NXPE3: variants seen among roughly 807,000 people sequenced by gnomAD.
The protein encoded by NXPE3 is NXPE family member 3.
NXPE3 carries 26 observed loss-of-function variants against 46.1 expected under a neutral mutation model. That is an observed-to-expected ratio of 0.56 (90% CI 0.41 to 0.78). The LOEUF (loss-of-function observed/expected upper bound fraction) is 0.78, where lower values mean the gene tolerates loss of function less well. Among genes scored for constraint, NXPE3 ranks in the 30% least tolerant of loss-of-function variants. The pLI is 0.00. For synonymous variants in NXPE3, 272 were observed against 257.9 expected, an observed-to-expected ratio of 1.05 and a Z score of -0.52; for missense variants, 620 against 686.0, an observed-to-expected ratio of 0.90 and a Z score of 1.07.
intron 4 of NXPE3, among the ~76,000 whole-genome samples, chr3:101,799,993 A>G (rs1027602669): frequency 1.3e-5 from 2 of 151,980 alleles, no homozygotes; most frequent in Non-Finnish European, 2.9e-5. Flanking sequence ...AATTTTATCA[A>G]TCTTTTAAAA....
intron 3 of NXPE3, among the ~76,000 whole-genome samples, chr3:101,785,128 G>A (rs1213486592): frequency 6.6e-6 from 1 of 152,204 alleles, no homozygotes; most frequent in East Asian, 1.9e-4. Flanking sequence ...CAATTTCTGA[G>A]TTTGAAGACA....
rs775137955 is a variant in NXPE3 at position 101,821,545 on chromosome 3, A to G, written c.1271A>G (p.Tyr424Cys). 1.2e-6 allele frequency: 2 copies of G among 1,614,158 alleles called. No homozygotes were observed. Among genetic ancestry groups the G allele is most frequent in the Non-Finnish European group, 1.7e-6 (2 of 1,180,006 alleles). The stretch of plus-strand genomic sequence containing the variant: ...ACTGTCTTTAGCAATGAGCTCCATT[A>G]TGTGGCGAATGAGCTGAATGGCATT... The part of the protein sequence containing the change: ...FTTVFSNELH[Y>C]VANELNGIVG... The change falls in exon 8 of 8, where the codon TAT becomes TGT. Residue 424 changes from tyrosine to cysteine, a missense_variant. Coordinates refer to ENST00000273347, the MANE Select transcript of NXPE3 (RefSeq NM_145037.4).
intron 6 of NXPE3, among the ~76,000 whole-genome samples, chr3:101,810,333 A>T (rs945705920): frequency 6.6e-6 from 1 of 152,190 alleles, no homozygotes; most frequent in Non-Finnish European, 1.5e-5. Flanking sequence ...ATAAGACTTG[A>T]TCTAATAGCA....
At chr3:101,798,443 G>A (rs1343163307) in intron 4 of NXPE3, among the ~76,000 whole-genome samples, 2 of 151,476 alleles carry the variant, frequency 1.3e-5, no homozygotes, top group Non-Finnish European at 2.9e-5. Context: ...AGAGTGCGGT[G>A]GCACAGTCAT....
chr3:101,817,738 C>T (rs760758768), intron 7 of NXPE3, among the ~76,000 whole-genome samples: 6 of 152,068 alleles, frequency 3.9e-5, no homozygotes, highest in African/African-American at 9.7e-5. Context: ...AAATAAAGAC[C>T]CTGCTTACAA....
intron 6 of NXPE3, among the ~76,000 whole-genome samples, chr3:101,809,023 G>C (rs1469256110): frequency 6.6e-6 from 1 of 151,294 alleles, no homozygotes; most frequent in African/African-American, 2.4e-5. Context: ...GACTCGACTG[G>C]CTTGCCCTTA....
chr3:101,818,687 A>G (rs1355911499), intron 7 of NXPE3, among the ~76,000 whole-genome samples: 2 of 132,668 alleles, frequency 1.5e-5, no homozygotes, highest in Non-Finnish European at 3.2e-5. Context: ...AATGAAACCT[A>G]CTTTAACCCT....
chr3:101,811,391 C>T (rs959902111), intron 6 of NXPE3, among the ~76,000 whole-genome samples: 8 of 152,162 alleles, frequency 5.3e-5, no homozygotes, highest in Non-Finnish European at 7.3e-5. Flanking sequence ...CCCTAGCATG[C>T]GCTTTACTAT....
At chr3:101,820,876 G>C (rs1420549275) in intron 7 of NXPE3, among the ~76,000 whole-genome samples, 8 of 152,196 alleles carry the variant, frequency 5.3e-5, no homozygotes. Context: ...CTACTTGAGT[G>C]GGGGAGTTGG....
chr3:101,798,284 T>A (rs769575462), intron 4 of NXPE3, among the ~76,000 whole-genome samples: 11 of 152,162 alleles, frequency 7.2e-5, no homozygotes, highest in Non-Finnish European at 1.6e-4. Context: ...CATGTGATAA[T>A]TTGAACATTG....
At chr3:101,812,811 CAAAAAAAAAAAAAAAA>C (rs57029374) in intron 6 of NXPE3, among the ~76,000 whole-genome samples, 1 of 58,708 alleles carries the variant, frequency 1.7e-5, no homozygotes, top group Non-Finnish European at 3.0e-5. Context: ...GACTCCGTCT[CAAAAAAAAAAAAAAAA>C]AAAAAAAAAA....
chr3:101,793,728 T>C (rs1560042965), intron 4 of NXPE3, among the ~76,000 whole-genome samples: 1 of 151,610 alleles, frequency 6.6e-6, no homozygotes, highest in Non-Finnish European at 1.5e-5. Context: ...TTTTTATTTT[T>C]ATTTTTATTT....
chr3:101,788,534 A>G (rs572003729), intron 4 of NXPE3, among the ~76,000 whole-genome samples: 1 of 152,298 alleles, frequency 6.6e-6, no homozygotes, highest in South Asian at 2.1e-4. Context: ...TCTTTGATCT[A>G]CTTTGTTATC....
chr3:101,812,344 G>A (rs916683816), intron 6 of NXPE3, among the ~76,000 whole-genome samples: 1 of 152,042 alleles, frequency 6.6e-6, no homozygotes. Context: ...AAATCAAAGG[G>A]CCCATGTTCT....
At chr3:101,796,559 G>A (rs1940840273) in intron 4 of NXPE3, among the ~76,000 whole-genome samples, 1 of 152,158 alleles carries the variant, frequency 6.6e-6, no homozygotes, top group African/African-American at 2.4e-5. Context: ...GGTCCTTAAT[G>A]GTGTGTCACA....
At position 101,824,441 on chromosome 3, in the gene NXPE3, TG is replaced by T. The variant is rs1293683488; in HGVS notation, c.*2488del. The T allele has an allele frequency of 1.3e-5, 2 of 152,268 alleles. No individual in the cohort carries two copies. The highest frequency in any genetic ancestry group is 4.8e-5 in the African/African-American group (2 of 41,432). The allele number at this position is 152,268 out of a possible 1,614,324, so 9.4% of individuals were successfully genotyped here. A position where few individuals can be genotyped will look rare whatever the true frequency, so the allele number is the denominator to read the frequency against. ...TGTGAGACTTTCGTAAAGAAGCGTT[TG>T]TATTTATTTATTTGTTTTTGAGACA... is the stretch of plus-strand genomic sequence containing the variant. On this transcript the variant is annotated 3_prime_UTR_variant, in exon 8 of 8. Transcript: ENST00000273347.
chr3:101,817,191 T>C (rs1942013510), intron 7 of NXPE3, among the ~76,000 whole-genome samples, 190 bp downstream of exon 7: 1 of 152,216 alleles, frequency 6.6e-6, no homozygotes, highest in Non-Finnish European at 1.5e-5. Flanking sequence ...GTTGTACTCA[T>C]GGAAGCACTG....
At position 101,825,408 on chromosome 3, in the gene NXPE3, G is replaced by A. The variant is rs1356134640; in HGVS notation, c.*3454G>A. 1 of 152,164 alleles carries A rather than the reference G, an allele frequency of 6.6e-6. No homozygotes were observed. The highest frequency in any genetic ancestry group is 1.5e-5 in the Non-Finnish European group (1 of 68,024). 9.4% of individuals were successfully genotyped at this position (152,164 alleles called of 1,614,324 possible). A position where few individuals can be genotyped will look rare whatever the true frequency, so the allele number is the denominator to read the frequency against. On this transcript the variant is annotated 3_prime_UTR_variant, in exon 8 of 8. Coordinates refer to ENST00000273347, the MANE Select transcript of NXPE3 (RefSeq NM_145037.4). ...TAGTGCCACATGGTTGTGAATATTAGCATGGTAGCCAAATAATAGTTTGTT... is the reference window on the plus strand; with the variant it reads ...TAGTGCCACATGGTTGTGAATATTAACATGGTAGCCAAATAATAGTTTGTT...
intron 6 of NXPE3, among the ~76,000 whole-genome samples, chr3:101,808,215 G>A (rs1404926544): frequency 6.6e-6 from 1 of 152,200 alleles, no homozygotes; most frequent in Non-Finnish European, 1.5e-5. Context: ...ATTCAGAGCA[G>A]TAAATGTAAA....
Sources: allele counts gnomAD v4.1 joint callset (sites outside exome capture counted in the v4.1 genomes callset), GRCh38; gene constraint gnomAD v4.1.1; transcripts MANE v1.5; gene names NCBI Gene and HGNC (gene_info 2026-07-23, HGNC 2026-07-21).